WFDC1: variants seen among roughly 807,000 people sequenced by gnomAD.
WFDC1 encodes the protein WAP four-disulfide core domain 1.
Under a neutral mutation model 32.9 loss-of-function variants are expected in WFDC1, and 39 were observed. That is an observed-to-expected ratio of 1.19 (90% CI 0.92 to 1.55). The LOEUF (loss-of-function observed/expected upper bound fraction) is 1.55. Among genes scored for constraint, WFDC1 ranks in the 40% most tolerant of loss-of-function variants. The pLI, the probability that WFDC1 is intolerant of heterozygous loss-of-function variation, is 0.00. For missense variants in WFDC1, 386 were observed against 309.5 expected (o/e 1.25, Z -1.85); for synonymous variants, 184 against 137.4 (o/e 1.34, Z -2.37).
intron 1 of WFDC1, among the ~76,000 whole-genome samples, chr16:84,297,617 CAAAAAAA>C (rs150683526): frequency 7.2e-5 from 5 of 69,464 alleles, no homozygotes; most frequent in Non-Finnish European, 1.0e-4. Context: ...AACTCTGTCT[CAAAAAAA>C]AAAAAAAAAA....
chr16:84,325,894 A>T (rs1314224298), intron 5 of WFDC1: 3 of 150,280 alleles, frequency 2.0e-5, no homozygotes, highest in African/African-American at 7.4e-5. Context: ...ATTCATGCAC[A>T]TATCCTTGCA....
At chr16:84,308,055 G>T (rs1160828760) in intron 1 of WFDC1, among the ~76,000 whole-genome samples, 1 of 152,190 alleles carries the variant, frequency 6.6e-6, no homozygotes, top group African/African-American at 2.4e-5. Context: ...TTCACTTTTC[G>T]TGAATTTAAC....
Position 84,318,255 on chromosome 16 carries a change from A to G in WFDC1, c.338-17A>G. ...GCTGCTTGAGGAGGGCCCTGATCTG[A>G]CCCCGTATTGTGTTAGTCTTAGACT... is the stretch of plus-strand genomic sequence containing the variant. On this transcript the variant is annotated splice_polypyrimidine_tract_variant and intron_variant, in intron 2 of 6. Transcript: ENST00000219454. 1 of 1,613,718 alleles carries G rather than the reference A, an allele frequency of 6.2e-7. No homozygotes were observed. The highest frequency in any genetic ancestry group is 8.5e-7 in the Non-Finnish European group (1 of 1,179,758).
chr16:84,311,696 T>TC (rs141574083), intron 1 of WFDC1, among the ~76,000 whole-genome samples: 1 of 876 alleles, frequency 1.1e-3, no homozygotes, highest in Non-Finnish European at 8.1e-3. Flanking sequence ...GCCTGACTGC[T>TC]TTTTTTTTTT....
intron 1 of WFDC1, among the ~76,000 whole-genome samples, chr16:84,303,618 C>T (rs565322455): frequency 2.5e-4 from 38 of 152,272 alleles, no homozygotes; most frequent in Admixed American, 9.8e-4. Context: ...ACACAGCACA[C>T]GTGTTTTCTC....
At position 84,294,945 on chromosome 16, in the gene WFDC1, T is replaced by C. The variant is rs1370265548; in HGVS notation, c.-27T>C. ...GAGGGGGGCCCCTCTTCTGTGTGCGTCTGGAAGGTCGCTGCCCAGGGAGGA... is the reference window on the plus strand; with the variant it reads ...GAGGGGGGCCCCTCTTCTGTGTGCGCCTGGAAGGTCGCTGCCCAGGGAGGA... On this transcript the variant is annotated 5_prime_UTR_variant, in exon 1 of 7. Coordinates refer to ENST00000219454, the MANE Select transcript of WFDC1 (RefSeq NM_021197.4). 7 of 1,603,552 alleles carry C rather than the reference T, an allele frequency of 4.4e-6. No individual in the cohort carries two copies. Among genetic ancestry groups the C allele is most frequent in the Non-Finnish European group, 5.1e-6 (6 of 1,174,660 alleles).
chr16:84,295,404 A>G, intron 1 of WFDC1: 1 of 497,062 alleles, frequency 2.0e-6, no homozygotes, highest in Non-Finnish European at 3.5e-6. Flanking sequence ...CCTGAAAGAC[A>G]GCATCTCATT....
chr16:84,319,056 CTGTG>C (rs1033985084), intron 3 of WFDC1: 12 of 290,734 alleles, frequency 4.1e-5, no homozygotes, highest in African/African-American at 2.6e-4. Context: ...GCGTATATGT[CTGTG>C]TGTATTTGTG....
chr16:84,304,465 T>C (rs1374322428), intron 1 of WFDC1, among the ~76,000 whole-genome samples: 1 of 152,170 alleles, frequency 6.6e-6, no homozygotes, highest in Non-Finnish European at 1.5e-5. Flanking sequence ...TGACCTCAGG[T>C]GATCCACCTG....
At chr16:84,328,284 C>T (rs1421089566) in intron 6 of WFDC1, 1 of 152,268 alleles carries the variant, frequency 6.6e-6, no homozygotes, top group African/African-American at 2.4e-5. Flanking sequence ...GGCTTGCCCT[C>T]ACGTGCCCTC....
intron 4 of WFDC1, among the ~76,000 whole-genome samples, chr16:84,323,830 A>C (rs1908437141): frequency 6.6e-6 from 1 of 152,202 alleles, no homozygotes; most frequent in Non-Finnish European, 1.5e-5. Flanking sequence ...CTGTTAAGAC[A>C]ATGGTTTTGG....
Position 84,303,216 on chromosome 16 carries a change from A to C in WFDC1, c.144+8101A>C, listed in dbSNP as rs148726453. 3.5e-3 allele frequency among the ~76,000 whole-genome samples: 532 copies of C among 152,206 alleles called. 5 individuals carry two copies. The highest frequency in any genetic ancestry group is 0.012 in the African/African-American group (506 of 41,536). On this transcript the variant is annotated intron_variant, in intron 1 of 6. Transcript: ENST00000219454. ...ACGTCCAAATTCCAGAGGAAGAGCA[A>C]GTAATGCTTAGAGGAAAACTGGCTT...
intron 1 of WFDC1, among the ~76,000 whole-genome samples, chr16:84,301,877 AAAG>A (rs1264534052): frequency 6.6e-6 from 1 of 152,196 alleles, no homozygotes; most frequent in Non-Finnish European, 1.5e-5. Context: ...ATCAACGAGT[AAAG>A]AAGCATCCCA....
chr16:84,300,921 G>A (rs1265186458), intron 1 of WFDC1, among the ~76,000 whole-genome samples: 1 of 151,856 alleles, frequency 6.6e-6, no homozygotes. Flanking sequence ...GTTGCAGTGA[G>A]CCAAGATCAT....
rs200586873 is a variant in WFDC1, at chr16:84,307,033, G to A, written c.145-5928G>A. Among the ~76,000 whole-genome samples, 38 of 152,270 alleles carry A rather than the reference G, an allele frequency of 2.5e-4. No homozygotes were observed. In the East Asian group the frequency reaches 6.8e-3, roughly 27 times the overall value. Reference sequence around the variant, plus strand: ...AGCAGATCCCAGGTAGGTGAGAGCCGGGCAGATATGGTGGGTGGGCGGGGA... The same window carrying A: ...AGCAGATCCCAGGTAGGTGAGAGCCAGGCAGATATGGTGGGTGGGCGGGGA... On this transcript the variant is annotated intron_variant, in intron 1 of 6. Transcript: ENST00000219454.
At chr16:84,305,482 G>C (rs1438732882) in intron 1 of WFDC1, among the ~76,000 whole-genome samples, 1 of 152,226 alleles carries the variant, frequency 6.6e-6, no homozygotes, top group African/African-American at 2.4e-5. Flanking sequence ...ACTTTTCACT[G>C]TTGCTGGTGG....
intron 5 of WFDC1, among the ~76,000 whole-genome samples, chr16:84,325,353 C>T (rs971504558): frequency 2.6e-5 from 4 of 152,146 alleles, no homozygotes; most frequent in Admixed American, 6.5e-5. Flanking sequence ...CAGGTGTCCG[C>T]CACCATACCT....
chr16:84,306,479 A>T (rs1218048839), intron 1 of WFDC1, among the ~76,000 whole-genome samples: 5 of 152,258 alleles, frequency 3.3e-5, no homozygotes, highest in Non-Finnish European at 5.9e-5. Flanking sequence ...AGGATGGCCG[A>T]GTCCAGCTTT....
At chr16:84,316,460 A>G (rs975525195) in intron 2 of WFDC1, 1 of 152,214 alleles carries the variant, frequency 6.6e-6, no homozygotes, top group Non-Finnish European at 1.5e-5. Context: ...TTGATCTCCA[A>G]CATGCTTAAA....
Sources: allele counts gnomAD v4.1 joint callset (sites outside exome capture counted in the v4.1 genomes callset), GRCh38; gene constraint gnomAD v4.1.1; transcripts MANE v1.5; gene names NCBI Gene and HGNC (gene_info 2026-07-23, HGNC 2026-07-21).